Variants in PEAK1 observed in about 807,000 individuals in gnomAD.
PEAK1 encodes inactive tyrosine-protein kinase PEAK1.
A neutral mutation model predicts 124.7 loss-of-function variants in PEAK1; 54 were observed. The observed-to-expected ratio is 0.43, with a 90% CI of 0.35 to 0.54. The LOEUF is 0.54. Ranked by LOEUF, PEAK1 falls within the 20% of genes least tolerant of loss-of-function variation. The pLI is 0.01. For missense variants in PEAK1, 2,046 were observed against 2,134.5 expected, an observed-to-expected ratio of 0.96 and a Z score of 0.82; for synonymous variants, 719 against 760.0, an observed-to-expected ratio of 0.95 and a Z score of 0.89.
rs1482040356 is a variant in PEAK1 at position 77,288,182 on chromosome 15, A to AATAAATGTCCAAGTATGACATATAAAGTC, written c.-602-1707_-602-1679dup. On this transcript the variant is annotated intron_variant, in intron 2 of 9. Coordinates refer to ENST00000682557, the MANE Select transcript of PEAK1 (RefSeq NM_001385026.1). ...ACAGAATAAAGTCCTTTATTCAAAGAATAAATGTCCAAGTATGACATATAA... is the reference window on the plus strand; with the variant it reads ...ACAGAATAAAGTCCTTTATTCAAAGAATAAATGTCCAAGTATGACATATAAAGTCATAAATGTCCAAGTATGACATATAA... Among the ~76,000 whole-genome samples, 390 of 152,342 alleles carry AATAAATGTCCAAGTATGACATATAAAGTC rather than the reference A, an allele frequency of 2.6e-3. 1 individual carries two copies. Among genetic ancestry groups the AATAAATGTCCAAGTATGACATATAAAGTC allele is most frequent in the African/African-American group, 9.1e-3 (378 of 41,556 alleles).
rs891028719 is a variant in PEAK1 at position 77,348,985 on chromosome 15, T to C, written c.-603+16178A>G. On this transcript the variant is annotated intron_variant, in intron 2 of 9. Coordinates refer to ENST00000682557, the MANE Select transcript of PEAK1 (RefSeq NM_001385026.1). ...GATTTAAAGCCTTTCTTACTTATAA[T>C]TTAACTAATACAAAAAAATGCCTTA... 5 of 946,092 alleles carry C rather than the reference T, an allele frequency of 5.3e-6. No homozygotes were observed. In the African/African-American group the frequency reaches 8.9e-5, roughly 17 times the overall value. 58.6% of individuals were successfully genotyped at this position (946,092 alleles called of 1,614,324 possible).
chr15:77,261,032 C>G (rs2061412365), intron 5 of PEAK1, among the ~76,000 whole-genome samples: 1 of 152,190 alleles, frequency 6.6e-6, no homozygotes, highest in African/African-American at 2.4e-5. Context: ...GGACCCCCAG[C>G]AAACTCCAAC....
At chr15:77,354,726 C>T (rs758554816) in intron 2 of PEAK1, among the ~76,000 whole-genome samples, 1 of 152,022 alleles carries the variant, frequency 6.6e-6, no homozygotes, top group Admixed American at 6.6e-5. Flanking sequence ...CGTTTTTGTC[C>T]ATTAATTTAA....
At position 77,180,895 on chromosome 15, in the gene PEAK1, TG is replaced by T. The variant is rs1314607985; in HGVS notation, c.1031del (p.Pro344GlnfsTer5). Reference protein sequence around the residue: ...QSMVSSDSTSPDSSLTEESRS... With the variant: ...QSMVSSDSTSXDSSLTEESRS... Reference sequence around the variant, plus strand: ...GTGATTCTTCTGTTAAAGAAGAATCTGGTGATGTGGAGTCAGATGACACCAT... The same window carrying T: ...GTGATTCTTCTGTTAAAGAAGAATCTGTGATGTGGAGTCAGATGACACCAT... On this transcript the variant is annotated frameshift_variant, in exon 7 of 10. Coordinates refer to ENST00000682557, the MANE Select transcript of PEAK1 (RefSeq NM_001385026.1). LOFTEE classifies it high-confidence loss of function. 1 of 1,614,118 alleles carries T rather than the reference TG, an allele frequency of 6.2e-7. No homozygotes were observed.
chr15:77,141,735 C>T (rs1183465673), intron 8 of PEAK1, among the ~76,000 whole-genome samples: 1 of 151,988 alleles, frequency 6.6e-6, no homozygotes, highest in Non-Finnish European at 1.5e-5. Context: ...TATTTAAGGC[C>T]AACTGATTTT....
At position 77,182,059 on chromosome 15, in the gene PEAK1, G is replaced by A; in HGVS notation, c.-114-19C>T. ...GATCAATCTGTGGAGGGGAAAAGAAGACAAAAAATCTGAATGAAAAAGGCA... is the reference window on the plus strand; with the variant it reads ...GATCAATCTGTGGAGGGGAAAAGAAAACAAAAAATCTGAATGAAAAAGGCA... On this transcript the variant is annotated intron_variant, in intron 6 of 9. Transcript: ENST00000682557. 5 of 1,374,084 alleles carry A rather than the reference G, an allele frequency of 3.6e-6. No homozygotes were observed. The highest frequency in any genetic ancestry group is 4.7e-6 in the Non-Finnish European group (5 of 1,068,108). 85.1% of individuals were successfully genotyped at this position (1,374,084 alleles called of 1,614,324 possible). A position where few individuals can be genotyped will look rare whatever the true frequency, so the allele number is the denominator to read the frequency against.
At chr15:77,121,284 G>A (rs187210363) in intron 9 of PEAK1, among the ~76,000 whole-genome samples, 6 of 152,104 alleles carry the variant, frequency 3.9e-5, no homozygotes, top group Non-Finnish European at 5.9e-5. Flanking sequence ...TGTATCTTTA[G>A]GGCCTAGCAC....
intron 6 of PEAK1, among the ~76,000 whole-genome samples, chr15:77,185,110 C>T (rs1010265619): frequency 3.3e-5 from 5 of 152,136 alleles, no homozygotes; most frequent in African/African-American, 1.2e-4. Context: ...GCAGGAATGA[C>T]TGGATTTTGA....
chr15:77,292,505 C>T (rs1418969167), intron 2 of PEAK1, among the ~76,000 whole-genome samples: 1 of 151,022 alleles, frequency 6.6e-6, no homozygotes, highest in Non-Finnish European at 1.5e-5. Context: ...AAAAAAAGCA[C>T]AGAAAATGTG....
At chr15:77,158,432 G>A (rs1319732999) in intron 8 of PEAK1, 71 bp downstream of exon 8, 1 of 1,391,504 alleles carries the variant, frequency 7.2e-7, no homozygotes, top group Non-Finnish European at 1.0e-6. Flanking sequence ...ATCTCTCCAA[G>A]AAAACAGAAC....
Position 77,180,621 on chromosome 15 carries a change from C to T in PEAK1, c.1306G>A (p.Glu436Lys), listed in dbSNP as rs1403071138. The T allele has an allele frequency of 6.2e-7, 1 of 1,614,150 alleles. No individual in the cohort carries two copies. The highest frequency in any genetic ancestry group is 2.2e-5 in the East Asian group (1 of 44,882). ...GKIAVQTEKEESKASTDVAGQ... is the reference protein window; with the variant it reads ...GKIAVQTEKEKSKASTDVAGQ... ...GCAACATCTGTAGAGGCTTTACTTT[C>T]TTCCTTCTCAGTTTGTACAGCAATC... is the stretch of plus-strand genomic sequence containing the variant. Residue 436 changes from glutamate to lysine, a missense_variant, in exon 7 of 10, where the codon GAA (glutamate) becomes AAA (lysine). By Grantham distance (56) the Glu-to-Lys change is moderately conservative. Transcript: ENST00000682557.
chr15:77,172,887 G>A (rs1242661975), intron 7 of PEAK1, among the ~76,000 whole-genome samples: 2 of 151,944 alleles, frequency 1.3e-5, no homozygotes, highest in Non-Finnish European at 2.9e-5. Flanking sequence ...TGAGTACCTG[G>A]GATCACAGGC....
chr15:77,365,187 A>G lies in PEAK1; in HGVS notation c.-627T>C. ...CCTTTGGTTTTTAGATAAACCACAA[A>G]GAAATGTCTACAGCATAAGTTCCAG... On this transcript the variant is annotated 5_prime_UTR_variant, in exon 2 of 10. Transcript: ENST00000682557. 1.0e-6 allele frequency: 1 copy of G among 981,836 alleles called. No homozygotes were observed. Among genetic ancestry groups the G allele is most frequent in the Non-Finnish European group, 1.2e-6 (1 of 826,642 alleles). The allele number at this position is 981,836 out of a possible 1,614,324, so 60.8% of individuals were successfully genotyped here. A position where few individuals can be genotyped will look rare whatever the true frequency, so the allele number is the denominator to read the frequency against.
At position 77,403,243 on chromosome 15, in the gene PEAK1, T is replaced by C. The variant is rs552257203; in HGVS notation, c.-666+16763A>G. The stretch of plus-strand genomic sequence containing the variant: ...TGGGTATGGTGAAAGCAGTCAAGTC[T>C]ATCTCCCAATACCAACAACAAGATT... On this transcript the variant is annotated intron_variant, in intron 1 of 9. Coordinates refer to ENST00000682557, the MANE Select transcript of PEAK1 (RefSeq NM_001385026.1). The C allele has an allele frequency of 2.5e-4, 248 of 985,426 alleles. No homozygotes were observed. The African/African-American group carries it at 4.1e-3, about 16-fold the overall frequency. The allele number at this position is 985,426 out of a possible 1,614,324, so 61.0% of individuals were successfully genotyped here.
intron 2 of PEAK1, chr15:77,332,007 C>T (rs996632717): frequency 3.8e-4 from 68 of 177,322 alleles, no homozygotes; most frequent in African/African-American, 1.6e-3. Context: ...GATGCTGAGC[C>T]GGGCGGATCA....
intron 5 of PEAK1, among the ~76,000 whole-genome samples, chr15:77,261,697 C>T (rs2061450497): frequency 6.6e-6 from 1 of 152,098 alleles, no homozygotes; most frequent in Admixed American, 6.5e-5. Context: ...AGGATATTAT[C>T]CAGGAGAACT....
intron 6 of PEAK1, among the ~76,000 whole-genome samples, chr15:77,207,843 T>A (rs1361734872): frequency 2.0e-5 from 3 of 152,166 alleles, no homozygotes; most frequent in African/African-American, 7.2e-5. Context: ...TGGACTTCGG[T>A]TGATAAAGGG....
chr15:77,304,580 T>C (rs1282265775), intron 2 of PEAK1, among the ~76,000 whole-genome samples: 1 of 151,568 alleles, frequency 6.6e-6, no homozygotes, highest in African/African-American at 2.4e-5. Context: ...CCCGAGTAGC[T>C]GGGACTACAG....
intron 7 of PEAK1, among the ~76,000 whole-genome samples, chr15:77,175,231 G>A (rs946519391): frequency 6.6e-6 from 1 of 151,878 alleles, no homozygotes; most frequent in Non-Finnish European, 1.5e-5. Flanking sequence ...GCAATGGCAA[G>A]AAAAGCCAAA....
Sources: gnomAD v4.1 joint callset for allele counts (sites outside exome capture counted in the v4.1 genomes callset) on GRCh38, gnomAD v4.1.1 for gene constraint, MANE v1.5 for transcripts, NCBI Gene and HGNC (gene_info 2026-07-23, HGNC 2026-07-21) for gene names.